The following ITGA1 variants were observed in gnomAD, a reference collection of about 807,000 sequenced individuals.
ITGA1 encodes integrin alpha-1.
ITGA1 carries 85 observed loss-of-function variants against 145.9 expected under a neutral mutation model. The ratio of observed to expected loss-of-function variants is 0.58; its 90% CI spans 0.49 to 0.70. The LOEUF (loss-of-function observed/expected upper bound fraction) is 0.70, where lower values mean the gene tolerates loss of function less well. Ranked by LOEUF, ITGA1 falls within the 30% of genes least tolerant of loss-of-function variation. ITGA1 has a pLI of 0.00. For missense variants in ITGA1, 1,351 were observed against 1,418.7 expected, an observed-to-expected ratio of 0.95 and a Z score of 0.77; for synonymous variants, 520 against 495.3, an observed-to-expected ratio of 1.05 and a Z score of -0.66.
intron 6 of ITGA1, among the ~76,000 whole-genome samples, chr5:52,868,390 A>G (rs888057535): frequency 1.3e-5 from 2 of 152,136 alleles, no homozygotes; most frequent in Non-Finnish European, 2.9e-5. Flanking sequence ...CAGTGACTCC[A>G]TTTTGTAAAG....
chr5:52,939,680 G>C lies in ITGA1; in HGVS notation c.3169G>C (p.Gly1057Arg). The C allele has an allele frequency of 6.2e-7, 1 of 1,609,522 alleles. No homozygotes were observed. The highest frequency in any genetic ancestry group is 8.5e-7 in the Non-Finnish European group (1 of 1,176,236). ...MTTSTDHLKRGTILDCNTCKF... is the reference protein window; with the variant it reads ...MTTSTDHLKRRTILDCNTCKF... ...TACATCAACTGACCATCTCAAACGA[G>C]GCACAATTCTGGTAAATTAAGACAA... Residue 1057 changes from glycine (G) to arginine (R), a missense_variant, in exon 25 of 29, where the codon GGC becomes CGC. Gly to Arg is a moderately radical substitution (Grantham distance 125). Coordinates refer to ENST00000282588, the MANE Select transcript of ITGA1 (RefSeq NM_181501.2).
chr5:52,870,879 T>G (rs1749766574), intron 6 of ITGA1, among the ~76,000 whole-genome samples: 1 of 152,202 alleles, frequency 6.6e-6, no homozygotes, highest in African/African-American at 2.4e-5. Flanking sequence ...AGGTGAGATA[T>G]CTCAATGAAG....
intron 6 of ITGA1, among the ~76,000 whole-genome samples, chr5:52,878,327 CT>C (rs1310109925): frequency 1.3e-5 from 2 of 152,092 alleles, no homozygotes; most frequent in African/African-American, 4.8e-5. Flanking sequence ...AAAGAATAAG[CT>C]TTTAGAAGCC....
chr5:52,788,583 C>G (rs1053403791), intron 1 of ITGA1, among the ~76,000 whole-genome samples, 169 bp downstream of exon 1: 1 of 152,190 alleles, frequency 6.6e-6, no homozygotes, highest in Admixed American at 6.5e-5. Flanking sequence ...GTTTCGCGTT[C>G]TGGTTTTGAT....
chr5:52,856,408 A>G, intron 2 of ITGA1, among the ~76,000 whole-genome samples: 1 of 152,088 alleles, frequency 6.6e-6, no homozygotes, highest in Non-Finnish European at 1.5e-5. Flanking sequence ...GTTCTTCTCT[A>G]CAAACTTATA....
intron 14 of ITGA1, among the ~76,000 whole-genome samples, chr5:52,911,044 A>G (rs1001254557): frequency 0.055 from 369 of 6,744 alleles, no homozygotes; most frequent in South Asian, 0.12. Flanking sequence ...TGTATATACT[A>G]TATATACTAT....
intron 28 of ITGA1, among the ~76,000 whole-genome samples, chr5:52,951,123 T>A (rs1049211239): frequency 3.3e-5 from 5 of 152,082 alleles, no homozygotes; most frequent in African/African-American, 1.2e-4. Context: ...TTTTTGAGGG[T>A]TTATCCCCTC....
At chr5:52,850,350 G>A (rs772137315) in intron 2 of ITGA1, among the ~76,000 whole-genome samples, 9 of 152,094 alleles carry the variant, frequency 5.9e-5, no homozygotes, top group Non-Finnish European at 8.8e-5. Context: ...TATATAAACT[G>A]AATATTAGAG....
At chr5:52,802,451 TTTG>T (rs1435134263) in intron 1 of ITGA1, 4 of 152,200 alleles carry the variant, frequency 2.6e-5, no homozygotes, top group Non-Finnish European at 5.9e-5. Context: ...TTGGTTTTGG[TTTG>T]TTGTTGTTAG....
chr5:52,863,527 A>T (rs1749639329), intron 3 of ITGA1, among the ~76,000 whole-genome samples: 1 of 151,848 alleles, frequency 6.6e-6, no homozygotes, highest in African/African-American at 2.4e-5. Flanking sequence ...AAAGCACAAA[A>T]CTCATTTAGT....
At chr5:52,809,220 A>G (rs537488767) in intron 1 of ITGA1, among the ~76,000 whole-genome samples, 2 of 152,266 alleles carry the variant, frequency 1.3e-5, no homozygotes, top group South Asian at 4.1e-4. Context: ...AGGGACTCTA[A>G]TAGCCCCCAG....
intron 27 of ITGA1, among the ~76,000 whole-genome samples, chr5:52,945,793 C>T (rs1025234023): frequency 6.6e-6 from 1 of 152,130 alleles, no homozygotes; most frequent in African/African-American, 2.4e-5. Context: ...TTTTAAATTG[C>T]TTATTTCAAA....
rs142811680 is a variant in ITGA1, at chr5:52,957,695, G to C, written c.*5244G>C. ...TCAGCAAGGCCATTCTCTGCCTTGTGCCCATAGCAGGGCCTTGGGTGGTGA... is the reference window on the plus strand; with the variant it reads ...TCAGCAAGGCCATTCTCTGCCTTGTCCCCATAGCAGGGCCTTGGGTGGTGA... On this transcript the variant is annotated 3_prime_UTR_variant, in exon 29 of 29. Coordinates refer to ENST00000282588, the MANE Select transcript of ITGA1 (RefSeq NM_181501.2). 6.6e-6 allele frequency: 1 copy of C among 152,304 alleles called. No individual in the cohort carries two copies. Among genetic ancestry groups the C allele is most frequent in the Non-Finnish European group, 1.5e-5 (1 of 68,026 alleles). 9.4% of individuals were successfully genotyped at this position (152,304 alleles called of 1,614,324 possible). A position where few individuals can be genotyped will look rare whatever the true frequency, so the allele number is the denominator to read the frequency against.
intron 12 of ITGA1, among the ~76,000 whole-genome samples, chr5:52,907,535 C>G (rs1750431044): frequency 6.6e-6 from 1 of 152,010 alleles, no homozygotes; most frequent in Non-Finnish European, 1.5e-5. Flanking sequence ...CAGTTTCAAG[C>G]CTGGGAATCT....
At chr5:52,831,058 T>C (rs1042851454) in intron 1 of ITGA1, among the ~76,000 whole-genome samples, 1 of 152,162 alleles carries the variant, frequency 6.6e-6, no homozygotes, top group African/African-American at 2.4e-5. Context: ...ACAGAGAGTT[T>C]CCAACTTGAA....
intron 1 of ITGA1, among the ~76,000 whole-genome samples, chr5:52,833,008 A>G (rs1749099908): frequency 6.6e-6 from 1 of 152,022 alleles, no homozygotes; most frequent in Admixed American, 6.6e-5. Context: ...CCTGGCCAAC[A>G]TGGTGAAAAC....
intron 1 of ITGA1, among the ~76,000 whole-genome samples, chr5:52,820,110 G>T (rs1748852261): frequency 6.6e-6 from 1 of 151,908 alleles, no homozygotes; most frequent in Non-Finnish European, 1.5e-5. Flanking sequence ...TTTGGCTTAG[G>T]ATTGACTTGG....
intron 13 of ITGA1, among the ~76,000 whole-genome samples, chr5:52,909,646 C>A (rs1352519204): frequency 1.3e-5 from 2 of 151,992 alleles, no homozygotes; most frequent in Non-Finnish European, 2.9e-5. Context: ...AATAATAAAT[C>A]ATGTGTCTTT....
At chr5:52,928,196 C>A (rs1467297485) in intron 20 of ITGA1, among the ~76,000 whole-genome samples, 1 of 152,122 alleles carries the variant, frequency 6.6e-6, no homozygotes, top group African/African-American at 2.4e-5. Context: ...CTTACACAGG[C>A]AAACTCGAAC....
Sources: allele counts gnomAD v4.1 joint callset (sites outside exome capture counted in the v4.1 genomes callset), GRCh38; gene constraint gnomAD v4.1.1; transcripts MANE v1.5; gene names NCBI Gene and HGNC (gene_info 2026-07-23, HGNC 2026-07-21).